The following MNS1 variants were observed in gnomAD, a reference collection of about 807,000 sequenced individuals.
MNS1 encodes meiosis specific nuclear structural 1.
In MNS1, 63 loss-of-function variants were observed where a neutral mutation model predicts 72.0. The ratio of observed to expected loss-of-function variants is 0.87; its 90% confidence interval spans 0.71 to 1.08. MNS1 has a LOEUF of 1.08. Ranked by LOEUF, MNS1 falls within the 50% of genes least tolerant of loss-of-function variation. MNS1 has a pLI of 0.00. For synonymous variants in MNS1, 188 were observed against 172.1 expected, an observed-to-expected ratio of 1.09 and a Z score of -0.72; for missense variants, 604 against 562.4, an observed-to-expected ratio of 1.07 and a Z score of -0.75.
At position 56,429,040 on chromosome 15, in the gene MNS1, G is replaced by C; in HGVS notation, c.*61C>G. On this transcript the variant is annotated 3_prime_UTR_variant, in exon 10 of 10. Transcript: ENST00000260453. The stretch of plus-strand genomic sequence containing the variant: ...AATGCCACTGAACTGTAAAACAAAA[G>C]TTATGCTGACATCTAGTGGTAACAT... The C allele has an allele frequency of 9.1e-7, 1 of 1,093,268 alleles. No homozygotes were observed. Among genetic ancestry groups the C allele is most frequent in the Non-Finnish European group, 1.3e-6 (1 of 758,460 alleles). 67.7% of individuals were successfully genotyped at this position (1,093,268 alleles called of 1,614,324 possible). A position where few individuals can be genotyped will look rare whatever the true frequency, so the allele number is the denominator to read the frequency against.
At chr15:56,459,785 G>A (rs1428846075) in intron 2 of MNS1, among the ~76,000 whole-genome samples, 1 of 151,176 alleles carries the variant, frequency 6.6e-6, no homozygotes, top group Non-Finnish European at 1.5e-5. Context: ...TAGGTTGGGA[G>A]TTGGAGACGA....
At chr15:56,431,309 A>G (rs2050588232) in intron 9 of MNS1, 64 bp downstream of exon 9, 1 of 1,571,102 alleles carries the variant, frequency 6.4e-7, no homozygotes, top group Admixed American at 1.9e-5. Flanking sequence ...CTAAAATCCA[A>G]ATACCATGTT....
At chr15:56,458,068 G>T (rs1245147354) in intron 2 of MNS1, among the ~76,000 whole-genome samples, 1 of 152,052 alleles carries the variant, frequency 6.6e-6, no homozygotes, top group Non-Finnish European at 1.5e-5. Flanking sequence ...AGCAAAACTT[G>T]GATGAATCTC....
At chr15:56,448,327 G>A (rs1397640355) in intron 3 of MNS1, among the ~76,000 whole-genome samples, 1 of 152,168 alleles carries the variant, frequency 6.6e-6, no homozygotes, top group Non-Finnish European at 1.5e-5. Context: ...GAGGTTTGGA[G>A]TACAGCTCCT....
rs35775595 is a variant in MNS1, at chr15:56,444,483, A to G, written c.647T>C (p.Ile216Thr). Residue 216 changes from isoleucine to threonine, a missense_variant, in exon 5 of 10, where the codon ATT (isoleucine) becomes ACT (threonine). Coordinates refer to ENST00000260453, the MANE Select transcript of MNS1 (RefSeq NM_018365.4). ...YEQLLKEKLM[I>T]DEIVRKIYEE... Reference sequence around the variant, plus strand: ...ATAGATCTTCCTAACAATTTCATCAATCATGAGTTTCTCTTTTAGCAGCTG... The same window carrying G: ...ATAGATCTTCCTAACAATTTCATCAGTCATGAGTTTCTCTTTTAGCAGCTG... 0.022 allele frequency: 36,023 copies of G among 1,609,198 alleles called. 520 individuals are homozygous for G. Among genetic ancestry groups the G allele is most frequent in the Non-Finnish European group, 0.026 (30,946 of 1,178,816 alleles).
chr15:56,446,317 A>G (rs1176200896), intron 4 of MNS1, among the ~76,000 whole-genome samples: 1 of 151,914 alleles, frequency 6.6e-6, no homozygotes, highest in Non-Finnish European at 1.5e-5. Context: ...ACAGCAAAGC[A>G]CTCCTAGTGA....
At position 56,463,892 on chromosome 15, in the gene MNS1, C is replaced by T. The variant is rs1039831544; in HGVS notation, c.225+134G>A. ...GAAACCCAGGTCTTTACGATTACAC[C>T]GAGCTGAGGCACAATCAGGCATCAC... is the stretch of plus-strand genomic sequence containing the variant. On this transcript the variant is annotated intron_variant, in intron 2 of 9. Transcript: ENST00000260453. 13 of 703,000 alleles carry T rather than the reference C, an allele frequency of 1.8e-5. No homozygotes were observed. In the African/African-American group the frequency reaches 2.2e-4, roughly 12 times the overall value. The allele number at this position is 703,000 out of a possible 1,614,324, so 43.5% of individuals were successfully genotyped here.
intron 7 of MNS1, among the ~76,000 whole-genome samples, chr15:56,437,000 T>C (rs1320356392): frequency 6.6e-6 from 1 of 152,118 alleles, no homozygotes; most frequent in Non-Finnish European, 1.5e-5. Context: ...CCAGATGGAT[T>C]CACAGCCGAA....
In MNS1 at chr15:56,464,182, G is replaced by C. The variant is rs367683027; in HGVS notation, c.69C>G (p.Cys23Trp). 8.0e-5 allele frequency: 129 copies of C among 1,613,624 alleles called. No homozygotes were observed. The highest frequency in any genetic ancestry group is 1.1e-4 in the Non-Finnish European group (127 of 1,179,944). ...RHQKLVDENY[C>W]KKLHVQALKN... ...TTAGAGCTTGGACATGTAATTTTTT[G>C]CAGTAGTTTTCATCTACTAATTTCT... Residue 23 changes from cysteine to tryptophan, a missense_variant, in exon 2 of 10, where the codon TGC becomes TGG. Physicochemically the swap from Cys to Trp is radical, Grantham distance 215 (BLOSUM62 -2). Coordinates refer to ENST00000260453, the MANE Select transcript of MNS1 (RefSeq NM_018365.4).
chr15:56,442,566 G>T (rs1300054805), intron 7 of MNS1, among the ~76,000 whole-genome samples: 1 of 152,156 alleles, frequency 6.6e-6, no homozygotes, highest in African/African-American at 2.4e-5. Context: ...CCATAAAAAA[G>T]AACAAAATCA....
At chr15:56,461,539 T>A in intron 2 of MNS1, among the ~76,000 whole-genome samples, 1 of 151,306 alleles carries the variant, frequency 6.6e-6, no homozygotes. Context: ...TGCAGGCCTG[T>A]AATCTCAGCT....
At position 56,428,766 on chromosome 15, in the gene MNS1, A is replaced by C; in HGVS notation, c.*335T>G. The C allele has an allele frequency of 2.8e-6, 1 of 352,252 alleles. No individual in the cohort carries two copies. The highest frequency in any genetic ancestry group is 5.1e-5 in the East Asian group (1 of 19,474). The allele number at this position is 352,252 out of a possible 1,614,324, so 21.8% of individuals were successfully genotyped here. On this transcript the variant is annotated 3_prime_UTR_variant, in exon 10 of 10. Coordinates refer to ENST00000260453, the MANE Select transcript of MNS1 (RefSeq NM_018365.4). The stretch of plus-strand genomic sequence containing the variant: ...AATATTTATTTCCCTGGCTAAATCA[A>C]GTAAGTAAAGTTCGTAAACACAGAC...
At chr15:56,447,096 A>C in intron 3 of MNS1, 153 bp from the exon 4 acceptor site, 2 of 586,662 alleles carry the variant, frequency 3.4e-6, no homozygotes, top group Non-Finnish European at 5.9e-6. Flanking sequence ...CATTATATTT[A>C]ATGGATGCCT....
intron 7 of MNS1, among the ~76,000 whole-genome samples, chr15:56,435,944 A>G (rs1464823723): frequency 1.3e-5 from 2 of 152,218 alleles, no homozygotes; most frequent in East Asian, 3.9e-4. Flanking sequence ...ATTATTCACC[A>G]TGACCAAGTA....
rs2050469534 is a variant in MNS1 at position 56,429,045 on chromosome 15, G to C, written c.*56C>G. The C allele has an allele frequency of 1.8e-6, 2 of 1,121,692 alleles. No homozygotes were observed. Among genetic ancestry groups the C allele is most frequent in the Non-Finnish European group, 2.6e-6 (2 of 780,492 alleles). 69.5% of individuals were successfully genotyped at this position (1,121,692 alleles called of 1,614,324 possible). On this transcript the variant is annotated 3_prime_UTR_variant, in exon 10 of 10. Coordinates refer to ENST00000260453, the MANE Select transcript of MNS1 (RefSeq NM_018365.4). ...CACTGAACTGTAAAACAAAAGTTAT[G>C]CTGACATCTAGTGGTAACATGCAAA...
chr15:56,454,568 C>A (rs2050969294), intron 3 of MNS1, among the ~76,000 whole-genome samples: 1 of 151,802 alleles, frequency 6.6e-6, no homozygotes, highest in Non-Finnish European at 1.5e-5. Context: ...CTTTTTTGTT[C>A]TGGCTGCTTT....
intron 3 of MNS1, among the ~76,000 whole-genome samples, chr15:56,451,731 G>GC (rs1481881629): frequency 6.6e-6 from 1 of 151,454 alleles, no homozygotes; most frequent in Non-Finnish European, 1.5e-5. Flanking sequence ...ATTCATGATG[G>GC]GATGCATCCC....
intron 7 of MNS1, among the ~76,000 whole-genome samples, chr15:56,443,104 G>C (rs1482908860): frequency 1.3e-5 from 2 of 152,024 alleles, no homozygotes; most frequent in Non-Finnish European, 2.9e-5. Context: ...TCATATTAAC[G>C]TAGCAACTCC....
intron 7 of MNS1, among the ~76,000 whole-genome samples, chr15:56,437,878 G>C (rs1235249312): frequency 5.9e-5 from 9 of 152,066 alleles, no homozygotes; most frequent in African/African-American, 2.2e-4. Context: ...GCTTCAAAGA[G>C]AATAAAATAC....
Sources: gnomAD v4.1 joint callset for allele counts (sites outside exome capture counted in the v4.1 genomes callset) on GRCh38, gnomAD v4.1.1 for gene constraint, MANE v1.5 for transcripts, NCBI Gene and HGNC (gene_info 2026-07-23, HGNC 2026-07-21) for gene names.